Variants in PPARGC1A observed in about 807,000 individuals in gnomAD.
PPARGC1A encodes peroxisome proliferator-activated receptor gamma coactivator 1-alpha.
In PPARGC1A, 25 loss-of-function variants were observed where a neutral mutation model predicts 88.7. That is an observed-to-expected ratio of 0.28 (90% confidence interval 0.21 to 0.39). PPARGC1A has a LOEUF of 0.39. Ranked by LOEUF, PPARGC1A falls within the 10% of genes least tolerant of loss-of-function variation. The pLI is 1.00. For synonymous variants in PPARGC1A, 363 were observed against 355.6 expected (o/e 1.02, Z -0.24); for missense variants, 880 against 968.7 (o/e 0.91, Z 1.22).
chr4:24,326,866 T>A, the PPARGC1A span, among the ~76,000 whole-genome samples: 133 of 152,298 alleles, frequency 8.7e-4, 1 homozygote, highest in African/African-American at 2.9e-3. Flanking sequence ...CGGCTGCCGC[T>A]GCTTTAATAC....
the PPARGC1A span, among the ~76,000 whole-genome samples, chr4:24,439,904 G>A: frequency 1.3e-5 from 2 of 152,172 alleles, no homozygotes. Context: ...GTCCAAGAAG[G>A]AGACTTTTTC....
the PPARGC1A span, among the ~76,000 whole-genome samples, chr4:24,189,697 G>A: frequency 6.6e-6 from 1 of 152,130 alleles, no homozygotes; most frequent in Admixed American, 6.5e-5. Context: ...AGCACCTTGA[G>A]AAGAGAGGCC....
the PPARGC1A span, among the ~76,000 whole-genome samples, chr4:23,983,964 T>G: frequency 6.6e-6 from 1 of 152,108 alleles, no homozygotes; most frequent in African/African-American, 2.4e-5. Context: ...CATTTTCAAT[T>G]GTACATTTTC....
At chr4:24,098,798 G>GTGTCTAAATTACTT in the PPARGC1A span, among the ~76,000 whole-genome samples, 1 of 152,208 alleles carries the variant, frequency 6.6e-6, no homozygotes, top group Non-Finnish European at 1.5e-5. Flanking sequence ...TTCATCCACA[G>GTGTCTAAATTACTT]TGTCTAAATT....
the PPARGC1A span, among the ~76,000 whole-genome samples, chr4:24,454,509 G>A: frequency 2.0e-5 from 3 of 152,118 alleles, no homozygotes; most frequent in Admixed American, 6.5e-5. Context: ...GCTGAGATGG[G>A]AGGATCACTT....
chr4:24,324,465 C>T, the PPARGC1A span, among the ~76,000 whole-genome samples: 23,001 of 151,814 alleles, frequency 0.15, 1,920 homozygotes, highest in Middle Eastern at 0.24. Flanking sequence ...TTTCTCTGGG[C>T]TTGCCCCTTC....
the PPARGC1A span, among the ~76,000 whole-genome samples, chr4:23,921,493 A>G: frequency 6.6e-6 from 1 of 152,246 alleles, no homozygotes; most frequent in East Asian, 1.9e-4. Context: ...TGCACTACAC[A>G]GCAGACATCA....
At chr4:24,082,035 A>G in the PPARGC1A span, among the ~76,000 whole-genome samples, 2 of 152,124 alleles carry the variant, frequency 1.3e-5, no homozygotes, top group Non-Finnish European at 2.9e-5. Flanking sequence ...GAAAGATCCA[A>G]CGGTTTCCAG....
the PPARGC1A span, among the ~76,000 whole-genome samples, chr4:23,928,017 C>A: frequency 2.6e-5 from 4 of 152,022 alleles, no homozygotes; most frequent in Non-Finnish European, 5.9e-5. Context: ...AGAGTCTGGG[C>A]ACTTGGAGGG....
the PPARGC1A span, among the ~76,000 whole-genome samples, chr4:24,020,800 T>C: frequency 6.6e-6 from 1 of 152,198 alleles, no homozygotes; most frequent in Non-Finnish European, 1.5e-5. Flanking sequence ...CAGGGGCATC[T>C]GGACATGCAT....
At position 23,814,286 on chromosome 4, in the gene PPARGC1A, A is replaced by G; in HGVS notation, c.1197T>C (p.Asn399=). The G allele has an allele frequency of 6.2e-7, 1 of 1,614,052 alleles. No homozygotes were observed. Among genetic ancestry groups the G allele is most frequent in the Non-Finnish European group, 8.5e-7 (1 of 1,179,986 alleles). ...SINSKTEILI[N]ISQELQDSRQ... is the part of the protein sequence containing the mutation. Reference sequence around the variant, plus strand: ...TAGAGTCTTGGAGCTCCTGTGATATATTAATGAGTATTTCTGTTTTGGAAT... The same window carrying G: ...TAGAGTCTTGGAGCTCCTGTGATATGTTAATGAGTATTTCTGTTTTGGAAT... Residue 399 remains asparagine, a synonymous_variant, in exon 8 of 13, where the codon AAT becomes AAC. Transcript: ENST00000264867.
the PPARGC1A span, among the ~76,000 whole-genome samples, chr4:24,307,649 T>C: frequency 6.6e-6 from 1 of 152,152 alleles, no homozygotes; most frequent in Non-Finnish European, 1.5e-5. Context: ...TAAAGGCAGA[T>C]TCTCTGAGGA....
At chr4:23,977,842 T>C in the PPARGC1A span, among the ~76,000 whole-genome samples, 1 of 152,160 alleles carries the variant, frequency 6.6e-6, no homozygotes, top group African/African-American at 2.4e-5. Flanking sequence ...TTGTCAAAAA[T>C]TTAAAGGTAA....
At chr4:24,196,749 A>G in the PPARGC1A span, among the ~76,000 whole-genome samples, 1 of 152,222 alleles carries the variant, frequency 6.6e-6, no homozygotes, top group African/African-American at 2.4e-5. Context: ...AATGCTAAAC[A>G]AAAAGGTTTC....
the PPARGC1A span, among the ~76,000 whole-genome samples, chr4:23,990,361 T>A: frequency 6.6e-6 from 1 of 152,016 alleles, no homozygotes; most frequent in East Asian, 1.9e-4. Context: ...GTGATACTTA[T>A]GTATTAGTGC....
At chr4:24,044,567 G>A in the PPARGC1A span, among the ~76,000 whole-genome samples, 17 of 152,234 alleles carry the variant, frequency 1.1e-4, no homozygotes, top group African/African-American at 3.4e-4. Context: ...AAAAGATGGC[G>A]TCTTTAATCC....
At chr4:24,150,125 G>A in the PPARGC1A span, among the ~76,000 whole-genome samples, 1 of 152,112 alleles carries the variant, frequency 6.6e-6, no homozygotes, top group Non-Finnish European at 1.5e-5. Flanking sequence ...AATCAGTAGT[G>A]CAAACAAGGT....
At chr4:24,051,187 CAAAAAAAAA>C in the PPARGC1A span, among the ~76,000 whole-genome samples, 2 of 58,616 alleles carry the variant, frequency 3.4e-5, no homozygotes, top group Admixed American at 2.7e-4. Context: ...GACTCTGTCT[CAAAAAAAAA>C]AAAAAAAAAA....
chr4:24,211,005 T>C, the PPARGC1A span, among the ~76,000 whole-genome samples: 1 of 152,224 alleles, frequency 6.6e-6, no homozygotes, highest in African/African-American at 2.4e-5. Context: ...TTTAAAACTG[T>C]AATGAATATT....
Sources: allele counts gnomAD v4.1 joint callset (sites outside exome capture counted in the v4.1 genomes callset), GRCh38; gene constraint gnomAD v4.1.1; transcripts MANE v1.5; gene names NCBI Gene and HGNC (gene_info 2026-07-23, HGNC 2026-07-21).